Variants in CDH13 observed in about 807,000 individuals in gnomAD.
CDH13 encodes cadherin 13, also known as cadherin-13.
A neutral mutation model predicts 63.8 loss-of-function variants in CDH13; 24 were observed. The observed-to-expected ratio is 0.38, with a 90% CI of 0.27 to 0.53. The LOEUF (loss-of-function observed/expected upper bound fraction) is 0.53. CDH13 is among the 20% of genes least tolerant of loss of function. CDH13 has a pLI of 0.85. For synonymous variants in CDH13, 503 were observed against 355.3 expected (o/e 1.42, Z -4.67); for missense variants, 1,049 against 903.1 (o/e 1.16, Z -2.07).
At chr16:82,784,469 C>T (rs1393851129) in intron 1 of CDH13, among the ~76,000 whole-genome samples, 1 of 152,186 alleles carries the variant, frequency 6.6e-6, no homozygotes, top group East Asian at 1.9e-4. Flanking sequence ...CCACACCCTG[C>T]TTTCAGGGTT....
chr16:82,767,958 A>G (rs1422695346), intron 1 of CDH13, among the ~76,000 whole-genome samples: 10 of 152,156 alleles, frequency 6.6e-5, no homozygotes, highest in African/African-American at 2.4e-4. Context: ...CAAGGCCTCA[A>G]AGAGAAACGA....
chr16:83,407,314 T>A (rs1004906922), intron 6 of CDH13, among the ~76,000 whole-genome samples: 3 of 152,208 alleles, frequency 2.0e-5, no homozygotes, highest in African/African-American at 7.2e-5. Flanking sequence ...ACAGTTGAAA[T>A]ATTGTTGTAG....
At chr16:83,148,503 C>T (rs2036845245) in intron 4 of CDH13, among the ~76,000 whole-genome samples, 1 of 152,150 alleles carries the variant, frequency 6.6e-6, no homozygotes, top group African/African-American at 2.4e-5. Context: ...AGCCAGATGA[C>T]CTTGGTCAAT....
intron 2 of CDH13, among the ~76,000 whole-genome samples, chr16:82,868,944 T>C (rs1020478168): frequency 5.3e-5 from 8 of 152,250 alleles, no homozygotes; most frequent in African/African-American, 1.9e-4. Context: ...ACTGTGGTTT[T>C]ATTTTCTCAT....
At chr16:82,697,086 G>T (rs1327540832) in intron 1 of CDH13, among the ~76,000 whole-genome samples, 2 of 152,142 alleles carry the variant, frequency 1.3e-5, no homozygotes, top group Non-Finnish European at 2.9e-5. Context: ...GTCATATATT[G>T]TTACTTTTAC....
intron 7 of CDH13, among the ~76,000 whole-genome samples, chr16:83,521,689 A>G (rs1194594188): frequency 6.6e-6 from 1 of 152,214 alleles, no homozygotes; most frequent in East Asian, 1.9e-4. Flanking sequence ...CCCCCGGAAA[A>G]GAACATGAGT....
intron 6 of CDH13, among the ~76,000 whole-genome samples, chr16:83,476,767 G>A (rs987372904): frequency 6.6e-6 from 1 of 152,142 alleles, no homozygotes; most frequent in African/African-American, 2.4e-5. Context: ...ATATATTGGA[G>A]AGTTACAATT....
chr16:82,926,296 A>C (rs1211146368), intron 2 of CDH13, among the ~76,000 whole-genome samples: 1 of 151,816 alleles, frequency 6.6e-6, no homozygotes, highest in Non-Finnish European at 1.5e-5. Flanking sequence ...AAAAAAAAAA[A>C]GAAAAAAAAA....
chr16:83,549,803 G>A (rs1336514408), intron 7 of CDH13, among the ~76,000 whole-genome samples: 3 of 152,290 alleles, frequency 2.0e-5, no homozygotes, highest in Non-Finnish European at 2.9e-5. Context: ...GAGGAGAGGT[G>A]GAAGCAGGAG....
chr16:82,727,656 A>T (rs1422319491), intron 1 of CDH13: 2 of 152,230 alleles, frequency 1.3e-5, no homozygotes, highest in South Asian at 2.1e-4. Context: ...GACTGGAGAA[A>T]GTGTCAGAGT....
chr16:83,334,053 C>G lies in CDH13; in HGVS notation c.637-10809C>G, dbSNP rs79032353. 5.5e-3 allele frequency among the ~76,000 whole-genome samples: 840 copies of G among 152,170 alleles called. 5 individuals are homozygous for G. Among genetic ancestry groups the G allele is most frequent in the African/African-American group, 0.016 (670 of 41,508 alleles). On this transcript the variant is annotated intron_variant, in intron 5 of 13. Coordinates refer to ENST00000567109, the MANE Select transcript of CDH13 (RefSeq NM_001257.5). Reference sequence around the variant, plus strand: ...CTTGGGGAAAAACCCATTTCCTTGCCTTTTCTAGCTTCTAAAGGCCACGCA... The same window carrying G: ...CTTGGGGAAAAACCCATTTCCTTGCGTTTTCTAGCTTCTAAAGGCCACGCA...
chr16:83,418,224 A>G (rs1340246639), intron 6 of CDH13, among the ~76,000 whole-genome samples: 3 of 152,142 alleles, frequency 2.0e-5, no homozygotes, highest in Non-Finnish European at 4.4e-5. Flanking sequence ...CTCTCTTTTT[A>G]TATGTGATTA....
At chr16:83,551,919 G>T (rs1325157238) in intron 7 of CDH13, among the ~76,000 whole-genome samples, 1 of 152,188 alleles carries the variant, frequency 6.6e-6, no homozygotes, top group Non-Finnish European at 1.5e-5. Flanking sequence ...TGGATGAATG[G>T]ATGGATGGAT....
chr16:82,678,344 A>G (rs1039732767), intron 1 of CDH13, among the ~76,000 whole-genome samples: 5 of 147,450 alleles, frequency 3.4e-5, no homozygotes, highest in Admixed American at 1.4e-4. Flanking sequence ...TAGCTCTGAA[A>G]GCTCAATTTT....
intron 1 of CDH13, among the ~76,000 whole-genome samples, chr16:82,777,285 C>T (rs764604740): frequency 1.2e-4 from 18 of 152,188 alleles, no homozygotes; most frequent in Non-Finnish European, 2.6e-4. Flanking sequence ...ATTCTTGTAG[C>T]TGCTTTATAG....
At chr16:83,676,505 C>T (rs969721415) in intron 9 of CDH13, among the ~76,000 whole-genome samples, 5 of 152,152 alleles carry the variant, frequency 3.3e-5, no homozygotes, top group African/African-American at 7.2e-5. Context: ...TTTACTTTAC[C>T]GAAGTTGCAC....
intron 1 of CDH13, among the ~76,000 whole-genome samples, chr16:82,792,390 A>G (rs940688192): frequency 2.0e-5 from 3 of 152,152 alleles, no homozygotes; most frequent in African/African-American, 7.2e-5. Context: ...GGGGCGTCAT[A>G]TATCCCTCTT....
intron 1 of CDH13, among the ~76,000 whole-genome samples, chr16:82,855,872 A>G (rs887416534): frequency 6.6e-6 from 1 of 152,146 alleles, no homozygotes; most frequent in African/African-American, 2.4e-5. Context: ...GAGGGCTGGT[A>G]TTTAGAGAGA....
intron 7 of CDH13, among the ~76,000 whole-genome samples, chr16:83,562,906 G>A (rs2075733228): frequency 6.6e-6 from 1 of 152,192 alleles, no homozygotes. Flanking sequence ...TAAACTGTGG[G>A]TAGCCAAGAG....
Sources: allele counts gnomAD v4.1 joint callset (sites outside exome capture counted in the v4.1 genomes callset), GRCh38; gene constraint gnomAD v4.1.1; transcripts MANE v1.5; gene names NCBI Gene and HGNC (gene_info 2026-07-23, HGNC 2026-07-21).